Variants in FER observed in about 807,000 individuals in gnomAD.
FER encodes the protein FER tyrosine kinase, also known as tyrosine-protein kinase Fer.
FER carries 63 observed loss-of-function variants against 111.0 expected under a neutral mutation model. The observed-to-expected ratio is 0.57, with a 90% CI of 0.46 to 0.70. The LOEUF (loss-of-function observed/expected upper bound fraction) is 0.70. Among genes scored for constraint, FER ranks in the 30% least tolerant of loss-of-function variants. The pLI, the probability that FER is intolerant of heterozygous loss-of-function variation, is 0.00. For missense variants in FER, 914 were observed against 954.0 expected, an observed-to-expected ratio of 0.96 and a Z score of 0.55; for synonymous variants, 327 against 313.9, an observed-to-expected ratio of 1.04 and a Z score of -0.44.
rs545893777 is a variant in FER, at chr5:109,000,752, G to A, written c.1657-36670G>A. On this transcript the variant is annotated intron_variant, in intron 13 of 19. Transcript: ENST00000281092. ...AAAAGATCAACAAAATTGATAGACC[G>A]CTAGCAAGACTAATAAAGAAGAAAA... 2.2e-3 allele frequency among the ~76,000 whole-genome samples: 329 copies of A among 151,920 alleles called. No individual in the cohort carries two copies. In the Middle Eastern group the frequency reaches 0.024, roughly 11 times the overall value.
intron 13 of FER, among the ~76,000 whole-genome samples, chr5:108,999,954 G>T (rs986029394): frequency 1.3e-5 from 2 of 152,038 alleles, no homozygotes; most frequent in African/African-American, 4.8e-5. Context: ...GCACACAGTA[G>T]TACAGCTGAT....
intron 16 of FER, among the ~76,000 whole-genome samples, chr5:109,078,539 T>A (rs1459346024): frequency 6.6e-6 from 1 of 152,202 alleles, no homozygotes. Context: ...CTCTTGAGTT[T>A]ACCTCAAGAA....
chr5:108,885,585 T>C (rs995860164), intron 9 of FER, among the ~76,000 whole-genome samples: 3 of 151,844 alleles, frequency 2.0e-5, no homozygotes, highest in Non-Finnish European at 4.4e-5. Context: ...GACTGCTGTC[T>C]TCTCATTGTA....
At chr5:108,864,470 G>C (rs1157157708) in intron 5 of FER, among the ~76,000 whole-genome samples, 1 of 152,080 alleles carries the variant, frequency 6.6e-6, no homozygotes, top group African/African-American at 2.4e-5. Flanking sequence ...TCTTAAATGA[G>C]GAATACTCAG....
chr5:108,855,146 G>C (rs1762875117), intron 5 of FER, among the ~76,000 whole-genome samples: 1 of 151,966 alleles, frequency 6.6e-6, no homozygotes, highest in African/African-American at 2.4e-5. Flanking sequence ...TGGAACTGTT[G>C]AATTAAATCT....
intron 13 of FER, among the ~76,000 whole-genome samples, chr5:109,019,340 C>T (rs1000015972): frequency 3.3e-5 from 5 of 151,752 alleles, no homozygotes; most frequent in Non-Finnish European, 7.4e-5. Flanking sequence ...ATATATCCTG[C>T]TCAAAACATT....
rs6149172 is a variant in FER at position 109,146,253 on chromosome 5, A to AATATATAT, written c.2049-34463_2049-34456dup. ...TATCTAATATATATATAATCTATCT[A>AATATATAT]ATATATATATATATATATATATATA... On this transcript the variant is annotated intron_variant, in intron 17 of 19. Coordinates refer to ENST00000281092, the MANE Select transcript of FER (RefSeq NM_005246.4). Among the ~76,000 whole-genome samples the AATATATAT allele has an allele frequency of 9.8e-3, 411 of 41,954 alleles. 9 individuals carry two copies. The highest frequency in any genetic ancestry group is 0.016 in the African/African-American group (180 of 10,948). 27.5% of individuals were successfully genotyped at this position (41,954 alleles called of 152,430 possible). A position where few individuals can be genotyped will look rare whatever the true frequency, so the allele number is the denominator to read the frequency against.
chr5:109,001,609 A>G (rs886791304), intron 13 of FER, among the ~76,000 whole-genome samples: 3 of 152,182 alleles, frequency 2.0e-5, no homozygotes, highest in African/African-American at 7.2e-5. Flanking sequence ...CTCCTATTCA[A>G]CATAGTGTTG....
At chr5:108,942,048 C>T (rs943013707) in intron 10 of FER, among the ~76,000 whole-genome samples, 3 of 152,052 alleles carry the variant, frequency 2.0e-5, no homozygotes, top group African/African-American at 7.2e-5. Context: ...AAAATCCATT[C>T]CTTCCTCCTG....
At chr5:109,180,298 A>T (rs1758151119) in intron 17 of FER, among the ~76,000 whole-genome samples, 1 of 152,206 alleles carries the variant, frequency 6.6e-6, no homozygotes, top group Non-Finnish European at 1.5e-5. Context: ...AGGCACATGC[A>T]GCTATTTAAT....
At chr5:109,149,409 C>T (rs969890965) in intron 17 of FER, among the ~76,000 whole-genome samples, 1 of 152,154 alleles carries the variant, frequency 6.6e-6, no homozygotes, top group African/African-American at 2.4e-5. Flanking sequence ...GTCCCCAACC[C>T]ACCTCTAATG....
intron 13 of FER, among the ~76,000 whole-genome samples, chr5:109,029,088 G>A (rs760571787): frequency 6.6e-6 from 1 of 152,112 alleles, no homozygotes; most frequent in Non-Finnish European, 1.5e-5. Context: ...ACCAAAGGTG[G>A]TCAAGAGTAT....
chr5:108,875,202 G>T (rs778720824), intron 8 of FER, among the ~76,000 whole-genome samples: 1 of 152,022 alleles, frequency 6.6e-6, no homozygotes, highest in Non-Finnish European at 1.5e-5. Flanking sequence ...TTTTTGGATG[G>T]TATCTTACCA....
At chr5:109,082,270 C>T in intron 16 of FER, among the ~76,000 whole-genome samples, 1 of 151,966 alleles carries the variant, frequency 6.6e-6, no homozygotes, top group African/African-American at 2.4e-5. Flanking sequence ...TACTGTGTGA[C>T]CTGAGTGGCT....
chr5:108,891,605 A>G (rs1333115295), intron 9 of FER: 1 of 151,480 alleles, frequency 6.6e-6, no homozygotes, highest in African/African-American at 2.4e-5. Context: ...TGTTAAGTCT[A>G]AGAAGTCTTT....
intron 3 of FER, 57 bp from the exon 4 acceptor site, chr5:108,832,713 A>T: frequency 3.1e-6 from 4 of 1,283,452 alleles, no homozygotes; most frequent in Middle Eastern, 4.0e-4. Context: ...CTCTTAAAGC[A>T]CAGCTAAATG....
intron 17 of FER, among the ~76,000 whole-genome samples, chr5:109,154,513 A>G (rs1755164724): frequency 6.6e-6 from 1 of 151,942 alleles, no homozygotes; most frequent in Non-Finnish European, 1.5e-5. Context: ...AACATGGAAG[A>G]ATGAGTGGGT....
intron 2 of FER, among the ~76,000 whole-genome samples, chr5:108,785,704 G>C (rs1473452410): frequency 6.6e-6 from 1 of 152,166 alleles, no homozygotes; most frequent in Admixed American, 6.5e-5. Context: ...GGTGGTGTCT[G>C]GCTTCCTTGA....
chr5:109,086,676 C>T (rs1448886241), intron 16 of FER, among the ~76,000 whole-genome samples: 2 of 151,496 alleles, frequency 1.3e-5, no homozygotes, highest in Non-Finnish European at 3.0e-5. Flanking sequence ...CCTCCTAGCA[C>T]TGTTTAGCTA....
Sources: gnomAD v4.1 joint callset for allele counts (sites outside exome capture counted in the v4.1 genomes callset) on GRCh38, gnomAD v4.1.1 for gene constraint, MANE v1.5 for transcripts, NCBI Gene and HGNC (gene_info 2026-07-23, HGNC 2026-07-21) for gene names.